The following UBR4 variants were observed in gnomAD, a reference collection of about 807,000 sequenced individuals.
UBR4 encodes the protein ubiquitin protein ligase E3 component n-recognin 4, also known as E3 ubiquitin-protein ligase UBR4.
In UBR4, 124 loss-of-function variants were observed where a neutral mutation model predicts 575.6. That is an observed-to-expected ratio of 0.22 (90% CI 0.19 to 0.25). UBR4 has a LOEUF of 0.25. Ranked by LOEUF, UBR4 falls within the 10% of genes least tolerant of loss-of-function variation. The probability of loss-of-function intolerance (pLI) is 1.00; values close to 1 mark genes in which losing one functional copy is unlikely to be tolerated. For synonymous variants in UBR4, 2,455 were observed against 2,473.7 expected (o/e 0.99, Z 0.22); for missense variants, 4,818 against 6,478.8 (o/e 0.74, Z 8.80).
chr1:19,093,170 C>T lies in UBR4; in HGVS notation c.14111+143G>A. On this transcript the variant is annotated intron_variant, in intron 96 of 105. Transcript: ENST00000375254. This position sits in a 1 kb window ranked among gnomAD's most constrained non-coding sequence, Gnocchi z 4.8. ...GGACTCTGCAGTGGTTGAATGGTCA[C>T]CCACATAGTTTCCAGAAGCGGTTGG... 8.6e-7 allele frequency: 1 copy of T among 1,169,480 alleles called. No individual in the cohort carries two copies. The highest frequency in any genetic ancestry group is 1.2e-6 in the Non-Finnish European group (1 of 819,664). The allele number at this position is 1,169,480 out of a possible 1,614,324, so 72.4% of individuals were successfully genotyped here.
At chr1:19,186,450 G>T in intron 14 of UBR4, 90 bp downstream of exon 14, 1 of 1,175,812 alleles carries the variant, frequency 8.5e-7, no homozygotes, top group Non-Finnish European at 1.2e-6. Flanking sequence ...GGAAACTTTT[G>T]TTTGGTCAGG....
At chr1:19,172,817 C>G in intron 25 of UBR4, 47 bp downstream of exon 25, 2 of 1,572,754 alleles carry the variant, frequency 1.3e-6, no homozygotes, top group South Asian at 1.1e-5. Flanking sequence ...GGGATCTGCA[C>G]GGAGTGAAGA....
chr1:19,182,637 T>A (rs2091105214), intron 17 of UBR4, among the ~76,000 whole-genome samples: 1 of 152,196 alleles, frequency 6.6e-6, no homozygotes, highest in African/African-American at 2.4e-5. Flanking sequence ...ACACTTACTT[T>A]CCATTTAATA....
chr1:19,126,159 G>T (rs1263633729), intron 64 of UBR4, among the ~76,000 whole-genome samples: 2 of 152,190 alleles, frequency 1.3e-5, no homozygotes, highest in Non-Finnish European at 2.9e-5. Context: ...CACAACTCAT[G>T]ACATTAGCTT....
Position 19,117,153 on chromosome 1 carries a change from A to G in UBR4, c.10823+68T>C. 6.4e-7 allele frequency: 1 copy of G among 1,557,382 alleles called. No individual in the cohort carries two copies. Among genetic ancestry groups the G allele is most frequent in the Non-Finnish European group, 8.8e-7 (1 of 1,141,454 alleles). On this transcript the variant is annotated intron_variant, in intron 73 of 105. Transcript: ENST00000375254. The surrounding 1 kb of genome is among the most constrained non-coding windows in gnomAD (Gnocchi z 4.0). ...TGTGCTGCCTTACTCCATTCCAGGA[A>G]CCGAAGGCAGCAACTGAGCTTCAGC...
Position 19,100,748 on chromosome 1 carries a change from T to A in UBR4, c.13024-175A>T, listed in dbSNP as rs1360478116. Among the ~76,000 whole-genome samples, 1 of 151,574 alleles carries A rather than the reference T, an allele frequency of 6.6e-6. No homozygotes were observed. Among genetic ancestry groups the A allele is most frequent in the Non-Finnish European group, 1.5e-5 (1 of 67,918 alleles). On this transcript the variant is annotated intron_variant, in intron 88 of 105. Coordinates refer to ENST00000375254, the MANE Select transcript of UBR4 (RefSeq NM_020765.3). The surrounding 1 kb of genome is among the most constrained non-coding windows in gnomAD (Gnocchi z 4.2). Reference sequence around the variant, plus strand: ...GGTACTTCCAAAAATCTAAACAAACTCAAGTAGACTAAAATATCAAGCATC... The same window carrying A: ...GGTACTTCCAAAAATCTAAACAAACACAAGTAGACTAAAATATCAAGCATC...
intron 34 of UBR4, 55 bp from the exon 35 acceptor site, chr1:19,162,666 C>G (rs193165297): frequency 2.0e-6 from 3 of 1,527,600 alleles, no homozygotes; most frequent in Non-Finnish European, 2.6e-6. Context: ...TTATGTAAAC[C>G]ATGTTTTCTC....
chr1:19,101,688 G>A, intron 87 of UBR4, 47 bp from the exon 88 acceptor site: 1 of 1,568,662 alleles, frequency 6.4e-7, no homozygotes. Context: ...CTCTCCCATG[G>A]AAGGTGAAAT....
chr1:19,169,579 C>T (rs761356058), intron 26 of UBR4, 47 bp from the exon 27 acceptor site: 25 of 1,534,304 alleles, frequency 1.6e-5, no homozygotes, highest in Non-Finnish European at 2.0e-5. Context: ...AAAGAAGGAA[C>T]GACACAGAGC....
chr1:19,171,995 C>G (rs1487537155), intron 25 of UBR4, among the ~76,000 whole-genome samples: 2 of 152,094 alleles, frequency 1.3e-5, no homozygotes, highest in African/African-American at 4.8e-5. Flanking sequence ...GAAGTCAGGC[C>G]CAGTTTTGCC....
At chr1:19,209,786 T>G (rs937215111) in intron 1 of UBR4, among the ~76,000 whole-genome samples, 28 of 152,104 alleles carry the variant, frequency 1.8e-4, no homozygotes, top group Non-Finnish European at 3.8e-4. Flanking sequence ...AACATTCCCT[T>G]AAGAGGGCGA....
intron 55 of UBR4, 25 bp from the exon 56 acceptor site, chr1:19,141,802 C>G: frequency 6.2e-7 from 1 of 1,611,834 alleles, no homozygotes; most frequent in South Asian, 1.1e-5. Flanking sequence ...CCCCAGTCAC[C>G]TGAAGGTGCT....
intron 3 of UBR4, 85 bp downstream of exon 3, chr1:19,199,566 A>G: frequency 7.8e-7 from 1 of 1,277,192 alleles, no homozygotes; most frequent in South Asian, 1.3e-5. Flanking sequence ...TATTACAGAA[A>G]AAGTTCACTG....
chr1:19,079,360 C>A (rs770605299), intron 103 of UBR4: 1 of 152,174 alleles, frequency 6.6e-6, no homozygotes, highest in South Asian at 2.1e-4. Flanking sequence ...CTCCCGCATA[C>A]GTGTGATGAT....
chr1:19,113,762 C>A lies in UBR4; in HGVS notation c.11394G>T (p.Gln3798His). The change falls in exon 77 of 106, where the codon CAG becomes CAT. Residue 3798 changes from glutamine (Q) to histidine (H), a missense_variant. Transcript: ENST00000375254. Reference sequence around the variant, plus strand: ...AGTCTCCACAATACTCCTGAGCCAACTGCAGGATGTAACGATTCACACTGG... The same window carrying A: ...AGTCTCCACAATACTCCTGAGCCAAATGCAGGATGTAACGATTCACACTGG... The part of the protein sequence containing the change: ...TSASVNRYIL[Q>H]LAQEYCGDCK... 6.2e-7 allele frequency: 1 copy of A among 1,614,260 alleles called. No individual in the cohort carries two copies. The highest frequency in any genetic ancestry group is 1.1e-5 in the South Asian group (1 of 91,090).
intron 8 of UBR4, among the ~76,000 whole-genome samples, chr1:19,196,032 T>C (rs962796392): frequency 2.0e-5 from 3 of 147,150 alleles, no homozygotes; most frequent in Non-Finnish European, 4.4e-5. Flanking sequence ...TTACGTAGTA[T>C]GTTCCCCCAA....
chr1:19,139,014 C>T lies in UBR4; in HGVS notation c.8731+69G>A. 6.6e-7 allele frequency: 1 copy of T among 1,507,610 alleles called. No homozygotes were observed. 93.4% of individuals were successfully genotyped at this position (1,507,610 alleles called of 1,614,324 possible). On this transcript the variant is annotated intron_variant, in intron 59 of 105. Transcript: ENST00000375254. This position sits in a 1 kb window ranked among gnomAD's most constrained non-coding sequence, Gnocchi z 4.2. The stretch of plus-strand genomic sequence containing the variant: ...CTTTGCAAAAACCAACCCCAAGACC[C>T]AAGCAGAGATTCCTGTTTTGTCCCC...
chr1:19,126,437 A>G lies in UBR4; in HGVS notation c.9438+9T>C, dbSNP rs1305810667. The G allele has an allele frequency of 5.0e-6, 8 of 1,614,028 alleles. No homozygotes were observed. The Admixed American group carries it at 5.0e-5, about 10-fold the overall frequency. Reference sequence around the variant, plus strand: ...GACGAGTGTTTCTTTGATGAGGGAAAGATCTCACCTTCACATACTGGCGGA... The same window carrying G: ...GACGAGTGTTTCTTTGATGAGGGAAGGATCTCACCTTCACATACTGGCGGA... On this transcript the variant is annotated intron_variant, in intron 64 of 105. Coordinates refer to ENST00000375254, the MANE Select transcript of UBR4 (RefSeq NM_020765.3).
rs531811135 is a variant in UBR4, at chr1:19,132,382, A to C, written c.8907-3308T>G. On this transcript the variant is annotated intron_variant, in intron 60 of 105. Transcript: ENST00000375254. ...TTTTTAGTAGAGACAGGGTTTTGCT[A>C]TGTTGAGCAGGCTGGTTTTGAACTC... Among the ~76,000 whole-genome samples the C allele has an allele frequency of 6.6e-5, 10 of 152,014 alleles. No individual in the cohort carries two copies. In the South Asian group the frequency reaches 2.1e-3, roughly 32 times the overall value.
Sources: allele counts gnomAD v4.1 joint callset (sites outside exome capture counted in the v4.1 genomes callset), GRCh38; gene constraint gnomAD v4.1.1; non-coding constraint Gnocchi (gnomAD v3.1); transcripts MANE v1.5; gene names NCBI Gene and HGNC (gene_info 2026-07-23, HGNC 2026-07-21).